IFT122: variants seen among roughly 807,000 people sequenced by gnomAD.
The protein encoded by IFT122 is intraflagellar transport 122.
In IFT122, 118 loss-of-function variants were observed where a neutral mutation model predicts 161.6. That is an observed-to-expected ratio of 0.73 (90% confidence interval 0.63 to 0.85). The LOEUF is 0.85. Ranked by LOEUF, IFT122 falls within the 40% of genes least tolerant of loss-of-function variation. The pLI is 0.00. For missense variants in IFT122, 1,381 were observed against 1,579.6 expected (o/e 0.87, Z 2.13); for synonymous variants, 550 against 602.4 (o/e 0.91, Z 1.27).
intron 18 of IFT122, among the ~76,000 whole-genome samples, chr3:129,498,607 C>T (rs957363791): frequency 2.0e-5 from 3 of 151,968 alleles, no homozygotes; most frequent in African/African-American, 4.8e-5. Context: ...TATATTAGGC[C>T]GACCTAATAC....
At chr3:129,464,939 C>T (rs550095669) in intron 7 of IFT122, among the ~76,000 whole-genome samples, 158 bp downstream of exon 7, 5 of 151,960 alleles carry the variant, frequency 3.3e-5, no homozygotes, top group Admixed American at 2.6e-4. Context: ...TTAATAGTCC[C>T]GCTACCTGAG....
intron 16 of IFT122, among the ~76,000 whole-genome samples, chr3:129,489,940 G>A (rs527387636): frequency 6.6e-6 from 1 of 151,598 alleles, no homozygotes; most frequent in Non-Finnish European, 1.5e-5. Flanking sequence ...GGAGGGAGAC[G>A]ACAAATCCCT....
chr3:129,460,020 G>C lies in IFT122; in HGVS notation c.273-1208G>C, dbSNP rs1478819370. Among the ~76,000 whole-genome samples, 3 of 151,720 alleles carry C rather than the reference G, an allele frequency of 2.0e-5. No homozygotes were observed. The South Asian group carries it at 6.2e-4, about 32-fold the overall frequency. On this transcript the variant is annotated intron_variant, in intron 4 of 29. Coordinates refer to ENST00000348417, the MANE Select transcript of IFT122 (RefSeq NM_052989.3). The stretch of plus-strand genomic sequence containing the variant: ...TCAAGCAGTCCTCTCAAAGTACTGG[G>C]ATTACAGATACGAGCCACTGCACCT...
intron 5 of IFT122, among the ~76,000 whole-genome samples, chr3:129,462,031 C>A (rs1223558142): frequency 6.6e-6 from 1 of 152,232 alleles, no homozygotes; most frequent in Non-Finnish European, 1.5e-5. Flanking sequence ...CCTAATCCCT[C>A]TCAGTGTTCC....
chr3:129,474,523 T>C (rs1577553682), intron 9 of IFT122, among the ~76,000 whole-genome samples: 1 of 152,018 alleles, frequency 6.6e-6, no homozygotes, highest in East Asian at 1.9e-4. Flanking sequence ...GCACAAGTGC[T>C]GTGGGAGGAT....
At chr3:129,511,799 A>G (rs2082867037) in intron 23 of IFT122, among the ~76,000 whole-genome samples, 1 of 152,230 alleles carries the variant, frequency 6.6e-6, no homozygotes, top group Non-Finnish European at 1.5e-5. Context: ...GTTGGAAAGC[A>G]CAGAAGAGGC....
chr3:129,510,601 C>G (rs949794858), intron 23 of IFT122, among the ~76,000 whole-genome samples: 1 of 152,204 alleles, frequency 6.6e-6, no homozygotes, highest in Non-Finnish European at 1.5e-5. Flanking sequence ...GCCTGGCTCT[C>G]AGCTCCTTCC....
At chr3:129,498,095 G>C (rs979805891) in intron 18 of IFT122, among the ~76,000 whole-genome samples, 1 of 152,246 alleles carries the variant, frequency 6.6e-6, no homozygotes, top group Non-Finnish European at 1.5e-5. Flanking sequence ...CATGGCCCCA[G>C]ATAATGTGTA....
Position 129,517,573 on chromosome 3 carries a change from C to T in IFT122, c.3370C>T (p.Gln1124Ter). The T allele has an allele frequency of 1.9e-6, 3 of 1,613,810 alleles. No individual in the cohort carries two copies. The highest frequency in any genetic ancestry group is 2.5e-6 in the Non-Finnish European group (3 of 1,179,782). Reference sequence around the variant, plus strand: ...GCTGAGACCCAAGCGGGATGACAGACAGCTAGAGATTGCAAACAACAGTAT... The same window carrying T: ...GCTGAGACCCAAGCGGGATGACAGATAGCTAGAGATTGCAAACAACAGTAT... ...EVLRPKRDDR[Q>*]LEIANNSSQI... The change falls in exon 27 of 30, where the codon CAG becomes TAG. Residue 1124 changes from glutamine (Q) to a stop codon, truncating the protein, a stop_gained. Transcript: ENST00000348417. LOFTEE classifies it high-confidence loss of function.
chr3:129,450,133 A>C (rs2074593714), intron 2 of IFT122, among the ~76,000 whole-genome samples, 196 bp downstream of exon 2: 1 of 152,164 alleles, frequency 6.6e-6, no homozygotes, highest in South Asian at 2.1e-4. Context: ...GAACCTGTGA[A>C]CAATACCACC....
chr3:129,518,385 T>C (rs1161052676), intron 27 of IFT122, among the ~76,000 whole-genome samples: 1 of 152,170 alleles, frequency 6.6e-6, no homozygotes, highest in Non-Finnish European at 1.5e-5. Flanking sequence ...GAGGCCTCGC[T>C]CCCTTGCACT....
chr3:129,460,813 C>T, intron 4 of IFT122: 3 of 1,542,750 alleles, frequency 1.9e-6, no homozygotes, highest in Non-Finnish European at 2.7e-6. Flanking sequence ...ACATGATTTG[C>T]TCAGCTTTCA....
At chr3:129,514,724 ACCT>A (rs1435984569) in intron 25 of IFT122, 170 bp downstream of exon 25, 2 of 783,102 alleles carry the variant, frequency 2.6e-6, no homozygotes. Flanking sequence ...TTCCCTGTCC[ACCT>A]CCTGTTCTCC....
chr3:129,481,829 C>T (rs1242017908), intron 14 of IFT122, 135 bp downstream of exon 14: 4 of 870,172 alleles, frequency 4.6e-6, no homozygotes, highest in Non-Finnish European at 7.5e-6. Context: ...AGCACATGCA[C>T]AGAGTCCCAG....
At position 129,514,567 on chromosome 3, in the gene IFT122, C is replaced by T. The variant is rs2108649275; in HGVS notation, c.3153+13C>T. Reference sequence around the variant, plus strand: ...CCACGACAGTGAGGTGAGGATGCAGCACCCTTGGGCAGGTGGCTTCTCCTC... The same window carrying T: ...CCACGACAGTGAGGTGAGGATGCAGTACCCTTGGGCAGGTGGCTTCTCCTC... On this transcript the variant is annotated intron_variant, in intron 25 of 29. Coordinates refer to ENST00000348417, the MANE Select transcript of IFT122 (RefSeq NM_052989.3). The T allele has an allele frequency of 6.2e-7, 1 of 1,614,102 alleles. No individual in the cohort carries two copies. The highest frequency in any genetic ancestry group is 1.3e-5 in the African/African-American group (1 of 75,054).
At chr3:129,461,161 C>A in intron 4 of IFT122, 67 bp from the exon 5 acceptor site, 1 of 1,295,752 alleles carries the variant, frequency 7.7e-7, no homozygotes, top group Non-Finnish European at 1.1e-6. Context: ...TTATTAAAAT[C>A]TTCAGTTGTA....
chr3:129,510,529 GA>G (rs552234287), intron 23 of IFT122, among the ~76,000 whole-genome samples: 6 of 152,148 alleles, frequency 3.9e-5, no homozygotes, highest in Admixed American at 1.3e-4. Context: ...AAGGAGCCCA[GA>G]CTCAACTTAG....
chr3:129,501,710 A>C (rs2081573230), intron 19 of IFT122, among the ~76,000 whole-genome samples: 1 of 152,226 alleles, frequency 6.6e-6, no homozygotes, highest in African/African-American at 2.4e-5. Context: ...ATGTGGCTAT[A>C]AAAGGTGTCT....
chr3:129,456,219 A>G, intron 3 of IFT122: 3 of 1,286,248 alleles, frequency 2.3e-6, no homozygotes, highest in Non-Finnish European at 3.0e-6. Context: ...GCTTTTCATC[A>G]CCATCACCTG....
Sources: gnomAD v4.1 joint callset for allele counts (sites outside exome capture counted in the v4.1 genomes callset) on GRCh38, gnomAD v4.1.1 for gene constraint, MANE v1.5 for transcripts, NCBI Gene and HGNC (gene_info 2026-07-23, HGNC 2026-07-21) for gene names.